Variants in RARRES1 observed in about 807,000 individuals in gnomAD.
RARRES1 encodes retinoic acid receptor responder 1, also known as retinoic acid receptor responder protein 1.
RARRES1 carries 34 observed loss-of-function variants against 30.6 expected under a neutral mutation model. The observed-to-expected ratio is 1.11, with a 90% CI of 0.84 to 1.48. The LOEUF (loss-of-function observed/expected upper bound fraction) is 1.48, where lower values mean the gene tolerates loss of function less well. Ranked by LOEUF, RARRES1 falls within the 40% of genes most tolerant of loss-of-function variation. RARRES1 has a pLI of 0.00. For synonymous variants in RARRES1, 153 were observed against 155.5 expected (o/e 0.98, Z 0.12); for missense variants, 373 against 386.5 (o/e 0.97, Z 0.29).
At chr3:158,704,759 G>A (rs1726857900) in intron 4 of RARRES1, 32 bp downstream of exon 4, 1 of 1,605,090 alleles carries the variant, frequency 6.2e-7, no homozygotes, top group South Asian at 1.1e-5. Flanking sequence ...TGTAACTCTT[G>A]TGGCACAAGT....
At chr3:158,720,233 G>GGTGTGTGTGTGTGTGTGTGTGTGTGTGT (rs781535998) in intron 1 of RARRES1, among the ~76,000 whole-genome samples, 76 of 139,336 alleles carry the variant, frequency 5.5e-4, no homozygotes, top group African/African-American at 2.0e-3. Context: ...GCTGGCTGCT[G>GGTGTGTGTGTGTGTGTGTGTGTGTGTGT]GTGTGTGTGT....
chr3:158,706,144 TCAG>T (rs1443037501), intron 3 of RARRES1, among the ~76,000 whole-genome samples: 1 of 152,238 alleles, frequency 6.6e-6, no homozygotes, highest in Non-Finnish European at 1.5e-5. Flanking sequence ...TAGTTTATAC[TCAG>T]AGGTAATTCA....
intron 1 of RARRES1, among the ~76,000 whole-genome samples, chr3:158,730,599 A>AT (rs886776138): frequency 6.7e-5 from 10 of 150,302 alleles, no homozygotes; most frequent in South Asian, 2.1e-4. Context: ...ACATCGGCTA[A>AT]TTTTTTTTTA....
chr3:158,727,180 A>T (rs1727721396), intron 1 of RARRES1, among the ~76,000 whole-genome samples: 1 of 152,240 alleles, frequency 6.6e-6, no homozygotes, highest in African/African-American at 2.4e-5. Flanking sequence ...CCTTTATAAC[A>T]ATGTAAGAAA....
At chr3:158,715,300 G>C (rs1255979654) in intron 1 of RARRES1, among the ~76,000 whole-genome samples, 1 of 152,256 alleles carries the variant, frequency 6.6e-6, no homozygotes, top group African/African-American at 2.4e-5. Flanking sequence ...TAGCTGATCA[G>C]TGTGGCAGAT....
chr3:158,726,927 C>A (rs1483341599), intron 1 of RARRES1, among the ~76,000 whole-genome samples: 1 of 152,148 alleles, frequency 6.6e-6, no homozygotes, highest in Non-Finnish European at 1.5e-5. Flanking sequence ...GCACCCTCCC[C>A]TTGGTGATAC....
intron 1 of RARRES1, 93 bp downstream of exon 1, chr3:158,732,047 G>C: frequency 2.5e-6 from 3 of 1,187,976 alleles, no homozygotes; most frequent in Non-Finnish European, 3.2e-6. Flanking sequence ...CGGACCATCC[G>C]TTGGGCCGGC....
chr3:158,723,139 C>T lies in RARRES1; in HGVS notation c.276+9001G>A, dbSNP rs548749179. Among the ~76,000 whole-genome samples, 5 of 152,204 alleles carry T rather than the reference C, an allele frequency of 3.3e-5. No individual in the cohort carries two copies. The highest frequency in any genetic ancestry group is 3.9e-4 in the East Asian group (2 of 5,176). On this transcript the variant is annotated intron_variant, in intron 1 of 5. Transcript: ENST00000237696. The surrounding 1 kb of genome is among the most constrained non-coding windows in gnomAD (Gnocchi z 4.4). ...GTTGTGTTAGTGCCGGTTGTGACAACGTTAATTTCCTGTTCTCAGGCTGGC... is the reference window on the plus strand; with the variant it reads ...GTTGTGTTAGTGCCGGTTGTGACAATGTTAATTTCCTGTTCTCAGGCTGGC...
intron 2 of RARRES1, among the ~76,000 whole-genome samples, chr3:158,711,533 GCACTGATC>G (rs1727135195): frequency 6.6e-6 from 1 of 151,822 alleles, no homozygotes; most frequent in African/African-American, 2.4e-5. Flanking sequence ...AGAAATGGGG[GCACTGATC>G]CACTGATCAT....
chr3:158,720,675 C>G (rs1292287725), intron 1 of RARRES1, among the ~76,000 whole-genome samples: 1 of 152,150 alleles, frequency 6.6e-6, no homozygotes, highest in African/African-American at 2.4e-5. Flanking sequence ...GCTCTTTTCA[C>G]CCAGGCTGGA....
chr3:158,704,210 CTTTTTTT>C (rs78169321), intron 4 of RARRES1, among the ~76,000 whole-genome samples: 2 of 82,844 alleles, frequency 2.4e-5, no homozygotes, highest in African/African-American at 4.3e-5. Context: ...TATTGCAATA[CTTTTTTT>C]TTTTTTTTTT....
chr3:158,713,535 C>T (rs1727214886), intron 2 of RARRES1, among the ~76,000 whole-genome samples: 1 of 152,102 alleles, frequency 6.6e-6, no homozygotes, highest in Non-Finnish European at 1.5e-5. Context: ...AATTCTCTCC[C>T]AGGGGTCCCA....
rs1053802811 is a variant in RARRES1, at chr3:158,732,091, C to T, written c.276+49G>A. ...GTACCCAGGTGTCACCTCCCAGCGC[C>T]GTGCGCGGACAGGCAGGCGCGTGCC... is the stretch of plus-strand genomic sequence containing the variant. On this transcript the variant is annotated intron_variant, in intron 1 of 5. Coordinates refer to ENST00000237696, the MANE Select transcript of RARRES1 (RefSeq NM_206963.2). 18 of 1,296,282 alleles carry T rather than the reference C, an allele frequency of 1.4e-5. No homozygotes were observed. The African/African-American group carries it at 2.8e-4, about 20-fold the overall frequency. The allele number at this position is 1,296,282 out of a possible 1,614,324, so 80.3% of individuals were successfully genotyped here.
At chr3:158,719,426 C>T (rs1028844992) in intron 1 of RARRES1, among the ~76,000 whole-genome samples, 1 of 152,014 alleles carries the variant, frequency 6.6e-6, no homozygotes, top group Non-Finnish European at 1.5e-5. Context: ...CTTTTGCCAC[C>T]ACACCCGGCT....
intron 4 of RARRES1, among the ~76,000 whole-genome samples, chr3:158,703,016 T>C (rs1241819791): frequency 6.6e-6 from 1 of 152,212 alleles, no homozygotes; most frequent in East Asian, 1.9e-4. Context: ...TCACTGATGA[T>C]CCATCCCTGG....
intron 1 of RARRES1, among the ~76,000 whole-genome samples, chr3:158,729,777 G>T (rs1347443102): frequency 6.6e-6 from 1 of 151,962 alleles, no homozygotes; most frequent in African/African-American, 2.4e-5. Flanking sequence ...AAATGGTTTG[G>T]AAGGGGAAAA....
chr3:158,704,831 G>T lies in RARRES1; in HGVS notation c.632C>A (p.Ser211Ter). 3 of 1,614,090 alleles carry T rather than the reference G, an allele frequency of 1.9e-6. No individual in the cohort carries two copies. The highest frequency in any genetic ancestry group is 2.5e-6 in the Non-Finnish European group (3 of 1,180,008). Residue 211 changes from serine (S) to a stop codon, truncating the protein, a stop_gained, in exon 4 of 6, where the codon TCA becomes TAA. Transcript: ENST00000237696. LOFTEE classifies it high-confidence loss of function. ...AGTGAGCTGTGCCAAGTAGTAGTGT[G>T]ACACCTGTGTTGTCATTTCCCACAT... is the stretch of plus-strand genomic sequence containing the variant. ...YVMWEMTTQV[S>*]HYYLAQLTSV...
At chr3:158,712,224 C>T (rs1041182789) in intron 2 of RARRES1, among the ~76,000 whole-genome samples, 3 of 152,108 alleles carry the variant, frequency 2.0e-5, no homozygotes. Flanking sequence ...GTTGTTTAAA[C>T]TGGGTGAAGT....
intron 3 of RARRES1, among the ~76,000 whole-genome samples, chr3:158,708,622 C>T (rs1727004556): frequency 6.6e-6 from 1 of 151,974 alleles, no homozygotes; most frequent in Non-Finnish European, 1.5e-5. Flanking sequence ...TGTACTACAA[C>T]AGTCCAATGC....
Sources: allele counts gnomAD v4.1 joint callset (sites outside exome capture counted in the v4.1 genomes callset), GRCh38; gene constraint gnomAD v4.1.1; non-coding constraint Gnocchi (gnomAD v3.1); transcripts MANE v1.5; gene names NCBI Gene and HGNC (gene_info 2026-07-23, HGNC 2026-07-21).